The following TRHDE variants were observed in gnomAD, a reference collection of about 807,000 sequenced individuals.
The protein encoded by TRHDE is thyrotropin releasing hormone degrading enzyme.
In TRHDE, 72 loss-of-function variants were observed where a neutral mutation model predicts 125.7. The observed-to-expected ratio is 0.57, with a 90% CI of 0.47 to 0.70. The LOEUF is 0.70. Ranked by LOEUF, TRHDE falls within the 30% of genes least tolerant of loss-of-function variation. TRHDE has a pLI of 0.00. For synonymous variants in TRHDE, 509 were observed against 509.1 expected (o/e 1.00, Z 0.00); for missense variants, 1,110 against 1,327.1 (o/e 0.84, Z 2.54).
chr12:72,665,720 A>C lies in TRHDE; in HGVS notation c.*2525A>C, dbSNP rs1592604218. ...AATAACTAACTGTTGAAAGTGTCCA[A>C]CCTCCAGCCATAGCAATTTGCTGTG... On this transcript the variant is annotated 3_prime_UTR_variant, in exon 19 of 19. Coordinates refer to ENST00000261180, the MANE Select transcript of TRHDE (RefSeq NM_013381.3). 1 of 152,038 alleles carries C rather than the reference A, an allele frequency of 6.6e-6. No individual in the cohort carries two copies. Among genetic ancestry groups the C allele is most frequent in the African/African-American group, 2.4e-5 (1 of 41,432 alleles). The allele number at this position is 152,038 out of a possible 1,614,324, so 9.4% of individuals were successfully genotyped here.
intron 3 of TRHDE, among the ~76,000 whole-genome samples, chr12:72,404,639 A>C (rs1873190422): frequency 6.6e-6 from 1 of 152,088 alleles, no homozygotes; most frequent in Non-Finnish European, 1.5e-5. Context: ...CTCTTTATAA[A>C]ACCATCAGAT....
intron 1 of TRHDE, among the ~76,000 whole-genome samples, chr12:72,090,130 A>C (rs1874756261): frequency 6.6e-6 from 1 of 152,166 alleles, no homozygotes; most frequent in Non-Finnish European, 1.5e-5. Flanking sequence ...TTGTGACCCA[A>C]AAATAAACCC....
intron 3 of TRHDE, among the ~76,000 whole-genome samples, chr12:72,425,950 G>A (rs184082590): frequency 4.0e-5 from 6 of 151,546 alleles, no homozygotes; most frequent in African/African-American, 1.5e-4. Context: ...AATTACAAAA[G>A]GTCAAAAAAA....
chr12:72,308,868 C>T (rs1352853564), intron 2 of TRHDE, among the ~76,000 whole-genome samples: 1 of 152,120 alleles, frequency 6.6e-6, no homozygotes, highest in Non-Finnish European at 1.5e-5. Context: ...AAGAAACTCC[C>T]ATCTCAATTT....
intron 15 of TRHDE, among the ~76,000 whole-genome samples, chr12:72,645,235 TA>T (rs1156288178): frequency 6.6e-6 from 1 of 152,052 alleles, no homozygotes; most frequent in Non-Finnish European, 1.5e-5. Flanking sequence ...TACAGTGCAT[TA>T]AAAAATGATA....
Position 72,388,317 on chromosome 12 carries a change from TACTTA to T in TRHDE, c.1315+10201_1315+10205del, listed in dbSNP as rs1425037008. Among the ~76,000 whole-genome samples, 3 of 152,246 alleles carry T rather than the reference TACTTA, an allele frequency of 2.0e-5. No individual in the cohort carries two copies. The East Asian group carries it at 5.8e-4, about 29-fold the overall frequency. Reference sequence around the variant, plus strand: ...TCTCCATGGTATTTTTTAATTATCTTACTTAACTTGTGTTTTGTTTATGTATTATT... The same window carrying T: ...TCTCCATGGTATTTTTTAATTATCTTACTTGTGTTTTGTTTATGTATTATT... On this transcript the variant is annotated intron_variant, in intron 3 of 18. Transcript: ENST00000261180.
chr12:72,296,596 G>T (rs1041091081), intron 2 of TRHDE, among the ~76,000 whole-genome samples: 2 of 151,288 alleles, frequency 1.3e-5, no homozygotes, highest in African/African-American at 2.4e-5. Context: ...AGCCATGTGG[G>T]TGCCTTTATT....
chr12:72,371,950 A>C (rs530720163), intron 2 of TRHDE, among the ~76,000 whole-genome samples: 259 of 152,230 alleles, frequency 1.7e-3, no homozygotes, highest in East Asian at 6.0e-3. Flanking sequence ...AGTTCTAGAT[A>C]CCTGAGGAAT....
intron 18 of TRHDE, among the ~76,000 whole-genome samples, chr12:72,661,740 CT>C (rs1293400540): frequency 6.6e-6 from 1 of 152,118 alleles, no homozygotes; most frequent in Non-Finnish European, 1.5e-5. Context: ...AATCCCTTTG[CT>C]TCTTCCTTTT....
intron 2 of TRHDE, among the ~76,000 whole-genome samples, chr12:72,221,586 A>G (rs115636021): frequency 0.021 from 3,194 of 152,118 alleles, 119 homozygotes; most frequent in African/African-American, 0.073. Flanking sequence ...AGAACTAGGG[A>G]GAGAGATCAG....
chr12:72,245,624 T>C (rs1424084160), intron 2 of TRHDE, among the ~76,000 whole-genome samples: 1 of 152,112 alleles, frequency 6.6e-6, no homozygotes, highest in Non-Finnish European at 1.5e-5. Context: ...CCTTTACTTA[T>C]GCAGGTGTGT....
intron 1 of TRHDE, among the ~76,000 whole-genome samples, chr12:72,094,980 C>A (rs141789472): frequency 1.7e-4 from 26 of 152,214 alleles, no homozygotes; most frequent in African/African-American, 6.3e-4. Flanking sequence ...TCCTATTCCA[C>A]CATCTTGTTG....
chr12:72,409,158 A>G (rs1873389914), intron 3 of TRHDE, among the ~76,000 whole-genome samples: 1 of 152,210 alleles, frequency 6.6e-6, no homozygotes, highest in Non-Finnish European at 1.5e-5. Context: ...AAAGAGAATT[A>G]TCTCTAAAGG....
chr12:72,426,727 A>G (rs1874202025), intron 3 of TRHDE, among the ~76,000 whole-genome samples: 1 of 152,070 alleles, frequency 6.6e-6, no homozygotes, highest in Non-Finnish European at 1.5e-5. Flanking sequence ...TTAAAAAAAA[A>G]AAACCAGTTC....
chr12:72,434,477 G>A (rs1162533792), intron 3 of TRHDE, among the ~76,000 whole-genome samples: 4 of 151,650 alleles, frequency 2.6e-5, no homozygotes, highest in Non-Finnish European at 5.9e-5. Flanking sequence ...ATTTTCATCA[G>A]GTAAGTTTTG....
chr12:72,106,152 C>T (rs568631158), intron 2 of TRHDE, among the ~76,000 whole-genome samples: 1 of 152,204 alleles, frequency 6.6e-6, no homozygotes, highest in South Asian at 2.1e-4. Flanking sequence ...CACTGTTTAC[C>T]TTCCAAGTCA....
chr12:72,215,084 G>T (rs1209329683), intron 2 of TRHDE, among the ~76,000 whole-genome samples: 1 of 152,148 alleles, frequency 6.6e-6, no homozygotes, highest in African/African-American at 2.4e-5. Context: ...GGGTGCAGGT[G>T]GGCTGAGTCC....
At chr12:72,238,280 A>ATG (rs1340828720) in intron 2 of TRHDE, among the ~76,000 whole-genome samples, 1 of 12,220 alleles carries the variant, frequency 8.2e-5, no homozygotes, top group Non-Finnish European at 1.6e-4. Flanking sequence ...TCCTTAATAT[A>ATG]TATATATATA....
At chr12:72,305,384 A>G (rs1180172881) in intron 2 of TRHDE, among the ~76,000 whole-genome samples, 1 of 152,230 alleles carries the variant, frequency 6.6e-6, no homozygotes, top group East Asian at 1.9e-4. Flanking sequence ...ATTACATAAG[A>G]TTATGATGGA....
Sources: allele counts gnomAD v4.1 joint callset (sites outside exome capture counted in the v4.1 genomes callset), GRCh38; gene constraint gnomAD v4.1.1; transcripts MANE v1.5; gene names NCBI Gene and HGNC (gene_info 2026-07-23, HGNC 2026-07-21).